LAMC1: variants seen among roughly 807,000 people sequenced by gnomAD.
LAMC1 encodes laminin subunit gamma 1, also known as laminin subunit gamma-1.
A neutral mutation model predicts 173.6 loss-of-function variants in LAMC1; 38 were observed. That is an observed-to-expected ratio of 0.22 (90% confidence interval 0.17 to 0.29). The LOEUF is 0.29. Ranked by LOEUF, LAMC1 falls within the 10% of genes least tolerant of loss-of-function variation. The pLI, the probability that LAMC1 is intolerant of heterozygous loss-of-function variation, is 1.00. For synonymous variants in LAMC1, 746 were observed against 749.1 expected (o/e 1.00, Z 0.07); for missense variants, 1,824 against 2,051.8 (o/e 0.89, Z 2.14).
At position 183,024,057 on chromosome 1, in the gene LAMC1, A is replaced by G; in HGVS notation, c.341A>G (p.Asp114Gly). Reference sequence around the variant, plus strand: ...CTGACCGACTACAACAACCAGGCCGACACCACCTGGTGGCAAAGCCAGACC... The same window carrying G: ...CTGACCGACTACAACAACCAGGCCGGCACCACCTGGTGGCAAAGCCAGACC... ...AFLTDYNNQA[D>G]TTWWQSQTML... is the part of the protein sequence containing the mutation. Residue 114 changes from aspartate (D) to glycine (G), a missense_variant, in exon 1 of 28, where the codon GAC becomes GGC. Asp to Gly is a moderately conservative substitution (Grantham distance 94, BLOSUM62 -1). Transcript: ENST00000258341. 6.2e-7 allele frequency: 1 copy of G among 1,612,296 alleles called. No individual in the cohort carries two copies. The highest frequency in any genetic ancestry group is 8.5e-7 in the Non-Finnish European group (1 of 1,179,490).
At chr1:183,047,687 C>T (rs1415870135) in intron 1 of LAMC1, among the ~76,000 whole-genome samples, 2 of 152,102 alleles carry the variant, frequency 1.3e-5, no homozygotes, top group Non-Finnish European at 2.9e-5. Context: ...GTACTGTCCC[C>T]GTAGGGGTAT....
intron 1 of LAMC1, among the ~76,000 whole-genome samples, chr1:183,069,738 C>T (rs189757024): frequency 6.6e-4 from 100 of 152,326 alleles, no homozygotes; most frequent in Non-Finnish European, 1.0e-3. Context: ...TAAGGAGCAT[C>T]GGCTGAGTCT....
chr1:183,136,776 A>C (rs1157296141), intron 25 of LAMC1, among the ~76,000 whole-genome samples, 191 bp downstream of exon 25: 1 of 150,388 alleles, frequency 6.6e-6, no homozygotes, highest in Non-Finnish European at 1.5e-5. Flanking sequence ...GAGGAGGGGA[A>C]CTCAGTAAAA....
chr1:183,025,086 C>A (rs534876837), intron 1 of LAMC1, among the ~76,000 whole-genome samples: 19 of 152,346 alleles, frequency 1.2e-4, no homozygotes, highest in Middle Eastern at 3.4e-3. Context: ...TGACTTAACA[C>A]TTCACTCCCC....
rs894370551 is a variant in LAMC1, at chr1:183,117,523, C to T, written c.1688-11C>T. The T allele has an allele frequency of 6.2e-7, 1 of 1,613,398 alleles. No individual in the cohort carries two copies. The highest frequency in any genetic ancestry group is 1.1e-5 in the South Asian group (1 of 90,984). ...CTCACATTCTTGCCCACCATTGTGT[C>T]TGTATTCCAGCAAAGTTCTTGGGCA... On this transcript the variant is annotated splice_polypyrimidine_tract_variant and intron_variant, in intron 9 of 27. Transcript: ENST00000258341.
chr1:183,130,180 C>G (rs1463022811), intron 18 of LAMC1, among the ~76,000 whole-genome samples, 164 bp from the exon 19 acceptor site: 1 of 152,268 alleles, frequency 6.6e-6, no homozygotes, highest in Non-Finnish European at 1.5e-5. Context: ...GAAGGACCTA[C>G]TGGGTGTGGT....
intron 1 of LAMC1, among the ~76,000 whole-genome samples, chr1:183,067,197 T>C (rs964252037): frequency 2.3e-4 from 35 of 152,316 alleles, no homozygotes; most frequent in African/African-American, 6.7e-4. Context: ...ATTTTAAATC[T>C]AGGACTTTGT....
chr1:183,063,678 A>C (rs1654795706), intron 1 of LAMC1, among the ~76,000 whole-genome samples: 1 of 152,180 alleles, frequency 6.6e-6, no homozygotes, highest in African/African-American at 2.4e-5. Context: ...GCAGAAACAA[A>C]AACAAACACA....
At chr1:183,123,445 A>G (rs1656536602) in intron 13 of LAMC1, among the ~76,000 whole-genome samples, 1 of 152,182 alleles carries the variant, frequency 6.6e-6, no homozygotes, top group South Asian at 2.1e-4. Flanking sequence ...TTCTTGATAC[A>G]CTAAAACCAA....
In LAMC1 at chr1:183,126,248, C is replaced by T. The variant is rs375599977; in HGVS notation, c.2930C>T (p.Pro977Leu). 26 of 1,613,728 alleles carry T rather than the reference C, an allele frequency of 1.6e-5. No homozygotes were observed. The highest frequency in any genetic ancestry group is 2.0e-5 in the Non-Finnish European group (24 of 1,179,890). The change falls in exon 16 of 28, where the codon CCT becomes CTT. Residue 977 changes from proline (P) to leucine (L), a missense_variant. Physicochemically the swap from Pro to Leu is moderately conservative, Grantham distance 98. Coordinates refer to ENST00000258341, the MANE Select transcript of LAMC1 (RefSeq NM_002293.4). ...RCEVNHFGFG[P>L]EGCKPCDCHP... is the part of the protein sequence containing the mutation. ...GAGGTCAACCACTTTGGGTTTGGAC[C>T]TGAAGGCTGCAAACGTAAGGGGTGT...
At chr1:183,130,654 G>T in intron 19 of LAMC1, 105 bp downstream of exon 19, 1 of 819,172 alleles carries the variant, frequency 1.2e-6, no homozygotes, top group Non-Finnish European at 2.0e-6. Flanking sequence ...TTGACTCCAT[G>T]CATCTTTTTA....
At chr1:183,080,661 T>C (rs1655248566) in intron 1 of LAMC1, among the ~76,000 whole-genome samples, 2 of 152,108 alleles carry the variant, frequency 1.3e-5, no homozygotes, top group South Asian at 2.1e-4. Flanking sequence ...TTTTTTTCCA[T>C]ACTCAGTAGC....
At chr1:183,054,655 C>G (rs904610305) in intron 1 of LAMC1, among the ~76,000 whole-genome samples, 3 of 152,160 alleles carry the variant, frequency 2.0e-5, no homozygotes, top group African/African-American at 7.2e-5. Flanking sequence ...CGCTTCTCAG[C>G]CTGAAGTTTA....
intron 1 of LAMC1, among the ~76,000 whole-genome samples, chr1:183,096,271 A>G (rs7525917): frequency 0.56 from 85,549 of 152,018 alleles, 24,172 homozygotes; most frequent in South Asian, 0.65. Flanking sequence ...GAGATTACGG[A>G]TTTATCTTCT....
intron 1 of LAMC1, among the ~76,000 whole-genome samples, chr1:183,080,738 C>A (rs182208128): frequency 6.6e-6 from 1 of 151,340 alleles, no homozygotes; most frequent in Non-Finnish European, 1.5e-5. Flanking sequence ...AAGAAACTTA[C>A]GTTGTTAGAC....
At chr1:183,054,698 A>G (rs1053032708) in intron 1 of LAMC1, among the ~76,000 whole-genome samples, 2 of 152,158 alleles carry the variant, frequency 1.3e-5, no homozygotes, top group Non-Finnish European at 2.9e-5. Flanking sequence ...TTATTTCTTT[A>G]GTGTCTACTT....
intron 1 of LAMC1, among the ~76,000 whole-genome samples, chr1:183,070,690 A>C (rs1051938274): frequency 2.6e-5 from 4 of 152,096 alleles, no homozygotes; most frequent in African/African-American, 7.2e-5. Flanking sequence ...ACTTTAATTT[A>C]GGGATTTTTT....
rs745910188 is a variant in LAMC1 at position 183,116,606 on chromosome 1, T to C, written c.1358T>C (p.Ile453Thr). 6 of 1,612,706 alleles carry C rather than the reference T, an allele frequency of 3.7e-6. No homozygotes were observed. The highest frequency in any genetic ancestry group is 2.2e-5 in the South Asian group (2 of 90,956). ...RPCSCDPSGS[I>T]DECNIETGRC... Reference sequence around the variant, plus strand: ...TGCTCTTGTGATCCCTCTGGCAGCATAGATGAATGTAATATTGAAACAGGA... The same window carrying C: ...TGCTCTTGTGATCCCTCTGGCAGCACAGATGAATGTAATATTGAAACAGGA... Residue 453 changes from isoleucine (I) to threonine (T), a missense_variant, in exon 7 of 28, where the codon ATA (isoleucine) becomes ACA (threonine). Ile to Thr is a moderately conservative substitution (Grantham distance 89). Coordinates refer to ENST00000258341, the MANE Select transcript of LAMC1 (RefSeq NM_002293.4).
chr1:183,027,343 A>G (rs1021467896), intron 1 of LAMC1, among the ~76,000 whole-genome samples: 2 of 152,182 alleles, frequency 1.3e-5, no homozygotes, highest in East Asian at 1.9e-4. Context: ...TGGATTATTC[A>G]GTTGCTGTTA....
Sources: allele counts gnomAD v4.1 joint callset (sites outside exome capture counted in the v4.1 genomes callset), GRCh38; gene constraint gnomAD v4.1.1; transcripts MANE v1.5; gene names NCBI Gene and HGNC (gene_info 2026-07-23, HGNC 2026-07-21).